UTS2B: variants seen among roughly 807,000 people sequenced by gnomAD.
The protein encoded by UTS2B is urotensin-2B.
UTS2B carries 21 observed loss-of-function variants against 19.2 expected under a neutral mutation model. The observed-to-expected ratio is 1.09, with a 90% CI of 0.78 to 1.58. The LOEUF is 1.58. UTS2B is among the 40% of genes most tolerant of loss of function. The pLI, the probability that UTS2B is intolerant of heterozygous loss-of-function variation, is 0.00. For synonymous variants in UTS2B, 57 were observed against 50.2 expected (o/e 1.14, Z -0.58); for missense variants, 138 against 130.3 (o/e 1.06, Z -0.29).
the UTS2B span, among the ~76,000 whole-genome samples, chr3:191,340,132 T>C: frequency 6.6e-6 from 1 of 152,218 alleles, no homozygotes; most frequent in Non-Finnish European, 1.5e-5. Flanking sequence ...GGATAGATTC[T>C]TAAGAGGTAA....
chr3:191,288,345 G>A (rs773027445), intron 4 of UTS2B, among the ~76,000 whole-genome samples: 8 of 152,092 alleles, frequency 5.3e-5, no homozygotes, highest in Non-Finnish European at 1.2e-4. Context: ...AAAAACGCTG[G>A]AGGCATCACA....
the UTS2B span, among the ~76,000 whole-genome samples, chr3:191,342,056 A>G: frequency 6.6e-6 from 1 of 152,230 alleles, no homozygotes; most frequent in East Asian, 1.9e-4. Context: ...CTTTTAGACA[A>G]ACACATTTTT....
At chr3:191,294,358 C>T (rs963925051) in intron 4 of UTS2B, among the ~76,000 whole-genome samples, 4 of 151,700 alleles carry the variant, frequency 2.6e-5, no homozygotes, top group African/African-American at 4.9e-5. Flanking sequence ...TATTAGAAGA[C>T]GCAAATTTAA....
chr3:191,301,780 C>T (rs533156232), intron 4 of UTS2B, among the ~76,000 whole-genome samples: 7 of 151,936 alleles, frequency 4.6e-5, no homozygotes, highest in African/African-American at 1.2e-4. Context: ...TGAGCCACCA[C>T]GCCCGGCCAA....
intron 4 of UTS2B, among the ~76,000 whole-genome samples, chr3:191,288,104 C>T (rs1248564353): frequency 6.6e-6 from 1 of 152,096 alleles, no homozygotes; most frequent in Non-Finnish European, 1.5e-5. Context: ...TGTATACTGA[C>T]AACAACAAAA....
chr3:191,271,021 G>A (rs1478504972), intron 8 of UTS2B, among the ~76,000 whole-genome samples: 1 of 151,802 alleles, frequency 6.6e-6, no homozygotes, highest in African/African-American at 2.4e-5. Context: ...TGACCAACAT[G>A]GTGAAATCCT....
chr3:191,304,652 T>C (rs960296922), intron 3 of UTS2B, 104 bp from the exon 4 acceptor site: 1 of 152,238 alleles, frequency 6.6e-6, no homozygotes, highest in Non-Finnish European at 1.5e-5. Context: ...TATTTTTATA[T>C]TGATTGTCAT....
At chr3:191,314,129 T>C (rs293868) in intron 3 of UTS2B, among the ~76,000 whole-genome samples, 96,086 of 151,956 alleles carry the variant, frequency 0.63, 30,545 homozygotes, top group African/African-American at 0.71. Context: ...TGAATTCCCT[T>C]CTGCACGAGT....
At chr3:191,338,605 C>T in the UTS2B span, among the ~76,000 whole-genome samples, 1 of 152,230 alleles carries the variant, frequency 6.6e-6, no homozygotes. Context: ...GTTTTCCCAG[C>T]ATTCTCTGGT....
chr3:191,345,906 TTGA>T, the UTS2B span, among the ~76,000 whole-genome samples: 3 of 149,380 alleles, frequency 2.0e-5, no homozygotes, highest in Non-Finnish European at 4.5e-5. Flanking sequence ...TGTAAAACTG[TTGA>T]TGATGCTATT....
At chr3:191,307,619 T>C (rs1717175624) in intron 3 of UTS2B, among the ~76,000 whole-genome samples, 1 of 152,128 alleles carries the variant, frequency 6.6e-6, no homozygotes. Flanking sequence ...TTCCATCTCA[T>C]GTTTTGTAAC....
In UTS2B at chr3:191,327,243, C is replaced by A. The variant is rs1034382442; in HGVS notation, c.-586+1388G>T. On this transcript the variant is annotated intron_variant, in intron 2 of 8. Coordinates refer to ENST00000340524, the MANE Select transcript of UTS2B (RefSeq NM_198152.5). ...GGGCGTGGTGGCTCGTGCCTGTAATCCCAGCACTTTGGGAGGCCGAGGTGG... is the reference window on the plus strand; with the variant it reads ...GGGCGTGGTGGCTCGTGCCTGTAATACCAGCACTTTGGGAGGCCGAGGTGG... 2.0e-5 allele frequency among the ~76,000 whole-genome samples: 3 copies of A among 152,178 alleles called. No homozygotes were observed. The East Asian group carries it at 5.8e-4, about 29-fold the overall frequency.
intron 2 of UTS2B, among the ~76,000 whole-genome samples, chr3:191,326,416 A>G (rs1015511309): frequency 1.3e-5 from 2 of 152,162 alleles, no homozygotes; most frequent in Non-Finnish European, 2.9e-5. Flanking sequence ...TTATGACCAA[A>G]GTCTCCCTAC....
the UTS2B span, among the ~76,000 whole-genome samples, chr3:191,345,463 C>G: frequency 6.6e-6 from 1 of 152,224 alleles, no homozygotes; most frequent in Non-Finnish European, 1.5e-5. Context: ...CTTCCTCTCA[C>G]TCCAGATCAT....
At chr3:191,329,631 C>T in intron 1 of UTS2B, 1 of 1,588,076 alleles carries the variant, frequency 6.3e-7, no homozygotes, top group South Asian at 1.1e-5. Flanking sequence ...CCGGCGGTGA[C>T]CGGGAAGCCC....
chr3:191,343,692 T>A, the UTS2B span, among the ~76,000 whole-genome samples: 2,213 of 152,308 alleles, frequency 0.015, 51 homozygotes, highest in African/African-American at 0.05. Context: ...GGAGAATGTT[T>A]CTTCAGTTGT....
intron 4 of UTS2B, among the ~76,000 whole-genome samples, chr3:191,291,787 A>C (rs939080695): frequency 6.7e-6 from 1 of 149,412 alleles, no homozygotes; most frequent in Non-Finnish European, 1.5e-5. Flanking sequence ...ATATGGTGTG[A>C]GGTTGGGTTT....
intron 4 of UTS2B, among the ~76,000 whole-genome samples, chr3:191,292,084 T>C (rs1203038592): frequency 1.3e-5 from 2 of 151,256 alleles, no homozygotes; most frequent in African/African-American, 4.9e-5. Flanking sequence ...CCCTTGCATT[T>C]CCATATACAT....
At chr3:191,318,087 G>A (rs1048031068) in intron 2 of UTS2B, among the ~76,000 whole-genome samples, 10 of 152,156 alleles carry the variant, frequency 6.6e-5, no homozygotes, top group African/African-American at 2.2e-4. Context: ...TTATAATGTC[G>A]TACTGCAGGA....
Sources: gnomAD v4.1 joint callset for allele counts (sites outside exome capture counted in the v4.1 genomes callset) on GRCh38, gnomAD v4.1.1 for gene constraint, MANE v1.5 for transcripts, NCBI Gene and HGNC (gene_info 2026-07-23, HGNC 2026-07-21) for gene names.